The following DACH1 variants were observed in gnomAD, a reference collection of about 807,000 sequenced individuals.
DACH1 encodes the protein dachshund homolog 1.
DACH1 carries 12 observed loss-of-function variants against 54.2 expected under a neutral mutation model. The observed-to-expected ratio is 0.22, with a 90% CI of 0.14 to 0.36. The LOEUF (loss-of-function observed/expected upper bound fraction) is 0.36, where lower values mean the gene tolerates loss of function less well. DACH1 is among the 10% of genes least tolerant of loss of function. DACH1 has a pLI of 1.00. For missense variants in DACH1, 805 were observed against 929.8 expected (o/e 0.87, Z 1.75); for synonymous variants, 386 against 366.2 (o/e 1.05, Z -0.62).
At chr13:71,492,241 G>A (rs952088718) in intron 6 of DACH1, among the ~76,000 whole-genome samples, 1 of 152,112 alleles carries the variant, frequency 6.6e-6, no homozygotes, top group African/African-American at 2.4e-5. Context: ...GACATGTAAC[G>A]ACAAGTAATG....
At chr13:71,825,857 A>G (rs1297911665) in intron 1 of DACH1, among the ~76,000 whole-genome samples, 1 of 152,136 alleles carries the variant, frequency 6.6e-6, no homozygotes, top group Admixed American at 6.6e-5. Context: ...TTGTATTTAT[A>G]TTTCAAGAAC....
chr13:71,515,497 C>T (rs773058507), intron 6 of DACH1, among the ~76,000 whole-genome samples: 2 of 151,894 alleles, frequency 1.3e-5, no homozygotes, highest in African/African-American at 2.4e-5. Flanking sequence ...CTGAACCTGA[C>T]TTCATAAATA....
intron 1 of DACH1, among the ~76,000 whole-genome samples, chr13:71,709,925 A>G (rs1882629886): frequency 6.6e-6 from 1 of 152,094 alleles, no homozygotes; most frequent in South Asian, 2.1e-4. Context: ...ACGGCTCACT[A>G]CAGCCTCGAA....
chr13:71,504,502 T>C (rs954076304), intron 6 of DACH1, among the ~76,000 whole-genome samples: 1 of 152,136 alleles, frequency 6.6e-6, no homozygotes, highest in Non-Finnish European at 1.5e-5. Flanking sequence ...CCTGGGAAGA[T>C]AACACGTTAG....
At chr13:71,756,228 A>C (rs1355684534) in intron 1 of DACH1, among the ~76,000 whole-genome samples, 1 of 151,628 alleles carries the variant, frequency 6.6e-6, no homozygotes, top group Non-Finnish European at 1.5e-5. Flanking sequence ...TATTTTTAGT[A>C]GAGACAGGTT....
chr13:71,848,686 T>TA (rs1873458453), intron 1 of DACH1, among the ~76,000 whole-genome samples: 1 of 151,952 alleles, frequency 6.6e-6, no homozygotes, highest in African/African-American at 2.4e-5. Flanking sequence ...CCTGGCTAAT[T>TA]AAAAAAAATT....
At chr13:71,681,979 A>C in intron 1 of DACH1, 69 bp from the exon 2 acceptor site, 1 of 920,500 alleles carries the variant, frequency 1.1e-6, no homozygotes, top group Non-Finnish European at 1.7e-6. Context: ...AAGTTGTTTC[A>C]AGTGGTAACA....
intron 1 of DACH1, among the ~76,000 whole-genome samples, chr13:71,748,900 CTTTCTT>C (rs1474063069): frequency 4.5e-5 from 1 of 22,198 alleles, no homozygotes; most frequent in Non-Finnish European, 1.8e-4. Context: ...CTTTCTTTCT[CTTTCTT>C]TCTTTCTTTC....
At chr13:71,529,977 C>CAGTTAAAAAATGATATTTGCATT (rs1882302657) in intron 6 of DACH1, among the ~76,000 whole-genome samples, 1 of 152,030 alleles carries the variant, frequency 6.6e-6, no homozygotes, top group African/African-American at 2.4e-5. Flanking sequence ...AGTTAGGTAG[C>CAGTTAAAAAATGATATTTGCATT]AGTTAAAAAA....
intron 10 of DACH1, among the ~76,000 whole-genome samples, chr13:71,465,328 T>C (rs1401359059): frequency 1.3e-5 from 2 of 152,110 alleles, no homozygotes; most frequent in Non-Finnish European, 2.9e-5. Flanking sequence ...CTTTTTCTGT[T>C]ACTTAAATAT....
intron 2 of DACH1, among the ~76,000 whole-genome samples, chr13:71,646,848 A>G (rs548577097): frequency 1.7e-3 from 258 of 152,306 alleles, no homozygotes; most frequent in African/African-American, 6.1e-3. Context: ...TAAACTCTGA[A>G]AGACAATTGC....
chr13:71,463,067 T>C (rs948127772), intron 10 of DACH1, among the ~76,000 whole-genome samples: 6 of 152,082 alleles, frequency 3.9e-5, no homozygotes, highest in African/African-American at 9.6e-5. Flanking sequence ...GTCACAACAT[T>C]AATGAATGAT....
At chr13:71,696,669 T>C (rs992849214) in intron 1 of DACH1, among the ~76,000 whole-genome samples, 1 of 152,000 alleles carries the variant, frequency 6.6e-6, no homozygotes, top group African/African-American at 2.4e-5. Context: ...TGCCTCAGCC[T>C]CCCGAATAGC....
chr13:71,866,372 G>A lies in DACH1; in HGVS notation c.398C>T (p.Pro133Leu). The A allele has an allele frequency of 6.6e-7, 1 of 1,508,238 alleles. No homozygotes were observed. The highest frequency in any genetic ancestry group is 8.9e-7 in the Non-Finnish European group (1 of 1,124,860). The allele number at this position is 1,508,238 out of a possible 1,614,324, so 93.4% of individuals were successfully genotyped here. A position where few individuals can be genotyped will look rare whatever the true frequency, so the allele number is the denominator to read the frequency against. ...GCTGCTGCCGGTGCTGGCGTTGATG[G>A]GGGTGCTGGAAGCGACGCCGCCGCC... The part of the protein sequence containing the change: ...SAGGGVASST[P>L]INASTGSSSS... Residue 133 changes from proline to leucine, a missense_variant, in exon 1 of 11, where the codon CCC becomes CTC. By Grantham distance (98) the Pro-to-Leu change is moderately conservative. Transcript: ENST00000613252.
At chr13:71,504,288 A>G (rs1880144074) in intron 6 of DACH1, among the ~76,000 whole-genome samples, 1 of 152,186 alleles carries the variant, frequency 6.6e-6, no homozygotes, top group Admixed American at 6.5e-5. Context: ...AAATTATTAG[A>G]AATTTTAAAG....
At chr13:71,855,650 C>T (rs1873955208) in intron 1 of DACH1, among the ~76,000 whole-genome samples, 1 of 151,924 alleles carries the variant, frequency 6.6e-6, no homozygotes, top group Admixed American at 6.6e-5. Context: ...ATCTTTTATG[C>T]ATCCAGTTTA....
intron 3 of DACH1, among the ~76,000 whole-genome samples, chr13:71,602,542 T>G (rs1214246933): frequency 2.6e-5 from 4 of 152,030 alleles, no homozygotes; most frequent in African/African-American, 7.2e-5. Context: ...AAATTGTATT[T>G]GGTGAAATAT....
rs112710282 is a variant in DACH1 at position 71,819,202 on chromosome 13, C to T, written c.848+46720G>A. Reference sequence around the variant, plus strand: ...TTGGAAGAGGGATGAAGCCACTGCTCATTAAGGCAGCAGGAAGGAAGGAAG... The same window carrying T: ...TTGGAAGAGGGATGAAGCCACTGCTTATTAAGGCAGCAGGAAGGAAGGAAG... On this transcript the variant is annotated intron_variant, in intron 1 of 10. Transcript: ENST00000613252. Among the ~76,000 whole-genome samples, 6 of 152,282 alleles carry T rather than the reference C, an allele frequency of 3.9e-5. 1 individual carries two copies. The highest frequency in any genetic ancestry group is 1.4e-4 in the African/African-American group (6 of 41,560).
chr13:71,819,869 A>T (rs1888117536), intron 1 of DACH1, among the ~76,000 whole-genome samples: 1 of 152,120 alleles, frequency 6.6e-6, no homozygotes, highest in Non-Finnish European at 1.5e-5. Context: ...GGACTCAAAC[A>T]AAAATATAAC....
Sources: gnomAD v4.1 joint callset for allele counts (sites outside exome capture counted in the v4.1 genomes callset) on GRCh38, gnomAD v4.1.1 for gene constraint, MANE v1.5 for transcripts, NCBI Gene and HGNC (gene_info 2026-07-23, HGNC 2026-07-21) for gene names.